ASPSCR1: variants seen among roughly 807,000 people sequenced by gnomAD.
ASPSCR1 encodes the protein ASPSCR1 tether for SLC2A4, UBX domain containing.
ASPSCR1 carries 55 observed loss-of-function variants against 68.9 expected under a neutral mutation model. The ratio of observed to expected loss-of-function variants is 0.80; its 90% CI spans 0.64 to 1.00. The LOEUF is 1.00. Among genes scored for constraint, ASPSCR1 ranks in the 50% least tolerant of loss-of-function variants. The pLI is 0.00. For missense variants in ASPSCR1, 765 were observed against 762.2 expected, an observed-to-expected ratio of 1.00 and a Z score of -0.04; for synonymous variants, 352 against 332.6, an observed-to-expected ratio of 1.06 and a Z score of -0.63.
intron 4 of ASPSCR1, among the ~76,000 whole-genome samples, chr17:81,992,539 C>A (rs1477747868): frequency 2.0e-5 from 3 of 152,196 alleles, no homozygotes; most frequent in Admixed American, 6.5e-5. Context: ...GCCCAGGCCT[C>A]CCCAGCCGTA....
In ASPSCR1 at chr17:81,983,682, T is replaced by G; in HGVS notation, c.273+14T>G. On this transcript the variant is annotated intron_variant, in intron 3 of 15. Coordinates refer to ENST00000306739, the MANE Select transcript of ASPSCR1 (RefSeq NM_024083.4). This position sits in a 1 kb window ranked among gnomAD's most constrained non-coding sequence, Gnocchi z 4.4. ...CCTGAGAACATGGTGGGTCGTGCTC[T>G]GGGGGAGGCTGACTGTGTGGGGCAC... 1.9e-6 allele frequency: 3 copies of G among 1,581,124 alleles called. No homozygotes were observed. The highest frequency in any genetic ancestry group is 2.6e-6 in the Non-Finnish European group (3 of 1,159,706).
chr17:81,982,681 G>A (rs547150484), intron 2 of ASPSCR1: 1 of 152,254 alleles, frequency 6.6e-6, no homozygotes, highest in South Asian at 2.1e-4. Context: ...TCCAAAGTGA[G>A]GCCAACCACT....
Position 81,990,598 on chromosome 17 carries a change from C to G in ASPSCR1, c.375-4223C>G, listed in dbSNP as rs956367867. Among the ~76,000 whole-genome samples the G allele has an allele frequency of 3.3e-5, 5 of 151,852 alleles. No homozygotes were observed. The highest frequency in any genetic ancestry group is 7.4e-5 in the Non-Finnish European group (5 of 68,006). On this transcript the variant is annotated intron_variant, in intron 4 of 15. Coordinates refer to ENST00000306739, the MANE Select transcript of ASPSCR1 (RefSeq NM_024083.4). The surrounding 1 kb of genome is among the most constrained non-coding windows in gnomAD (Gnocchi z 4.1). ...ACGCCGAGCTCTGGGGGACACTGCT[C>G]TCTGCCTGCCTGGTGGGCCTGTGTC...
At chr17:81,994,442 G>C (rs1206058707) in intron 4 of ASPSCR1, among the ~76,000 whole-genome samples, 1 of 152,214 alleles carries the variant, frequency 6.6e-6, no homozygotes. Flanking sequence ...TGACTCTCAG[G>C]CTCCTGAGTA....
At chr17:81,982,744 C>CTCTTTCTT (rs371864329) in intron 2 of ASPSCR1, 5 of 151,554 alleles carry the variant, frequency 3.3e-5, no homozygotes, top group Admixed American at 2.0e-4. Flanking sequence ...TTCTTGTTTT[C>CTCTTTCTT]TCTTTCTTTC....
chr17:81,995,507 T>A (rs1229804938), intron 5 of ASPSCR1: 2 of 268,292 alleles, frequency 7.5e-6, no homozygotes, highest in Non-Finnish European at 1.4e-5. Flanking sequence ...GGCCATTGAC[T>A]GTGCCCTCGC....
intron 4 of ASPSCR1, among the ~76,000 whole-genome samples, chr17:81,988,454 C>CAAA (rs1231233227): frequency 1.4e-5 from 1 of 71,014 alleles, no homozygotes; most frequent in African/African-American, 5.3e-5. Context: ...GACTCCGTCT[C>CAAA]AAAAAAAAAA....
At chr17:81,978,803 A>G in intron 1 of ASPSCR1, 1 of 284,720 alleles carries the variant, frequency 3.5e-6, no homozygotes, top group East Asian at 9.6e-5. Flanking sequence ...CAGTGGCAGC[A>G]GGTGCACAGA....
chr17:81,979,131 G>A (rs1248976118), intron 1 of ASPSCR1, 53 bp from the exon 2 acceptor site: 10 of 1,596,130 alleles, frequency 6.3e-6, no homozygotes, highest in Admixed American at 1.7e-5. Flanking sequence ...GGCCCACTGC[G>A]CCCGCCAGCC....
intron 4 of ASPSCR1, among the ~76,000 whole-genome samples, chr17:81,994,532 C>T (rs1368547904): frequency 6.6e-6 from 1 of 152,182 alleles, no homozygotes; most frequent in African/African-American, 2.4e-5. Flanking sequence ...GGCAGCTCCA[C>T]GTCCTGCCAG....
chr17:82,010,542 A>C (rs1023706613), intron 9 of ASPSCR1, among the ~76,000 whole-genome samples: 223 of 150,856 alleles, frequency 1.5e-3, no homozygotes, highest in African/African-American at 5.2e-3. Context: ...AAAAAAAAAA[A>C]AAAAAAAAAA....
At position 81,982,907 on chromosome 17, in the gene ASPSCR1, G is replaced by A. The variant is rs999177055; in HGVS notation, c.159-647G>A. Among the ~76,000 whole-genome samples the A allele has an allele frequency of 9.9e-5, 15 of 152,144 alleles. No homozygotes were observed. The South Asian group carries it at 1.7e-3, about 17-fold the overall frequency. ...TGCCTCACTGCAGCCTCTGCCTCCC[G>A]GGTTCAAGCGATTCTCCTGCCTCAG... On this transcript the variant is annotated intron_variant, in intron 2 of 15. Transcript: ENST00000306739.
rs1431851879 is a variant in ASPSCR1, at chr17:82,011,612, T to A, written c.1300+7T>A. The A allele has an allele frequency of 6.2e-7, 1 of 1,601,790 alleles. No homozygotes were observed. The highest frequency in any genetic ancestry group is 2.3e-5 in the East Asian group (1 of 43,332). On this transcript the variant is annotated splice_region_variant and intron_variant, in intron 11 of 15. Coordinates refer to ENST00000306739, the MANE Select transcript of ASPSCR1 (RefSeq NM_024083.4). ...GAGCTGTCATTTTACCTGTGTACGTTTTTTCTCCTGAGCCCACTCCTGCCT... is the reference window on the plus strand; with the variant it reads ...GAGCTGTCATTTTACCTGTGTACGTATTTTCTCCTGAGCCCACTCCTGCCT...
chr17:82,004,614 T>G (rs1398845841), intron 7 of ASPSCR1: 1 of 152,424 alleles, frequency 6.6e-6, no homozygotes, highest in Admixed American at 6.5e-5. Context: ...GTGTGTCATG[T>G]GGCAGCCACA....
intron 7 of ASPSCR1, among the ~76,000 whole-genome samples, chr17:82,000,004 C>T (rs2042475867): frequency 2.0e-5 from 3 of 152,198 alleles, no homozygotes; most frequent in African/African-American, 7.2e-5. Flanking sequence ...ATGGTGTTGG[C>T]ACCCCATCCT....
chr17:81,985,231 C>G (rs570378685), intron 3 of ASPSCR1, among the ~76,000 whole-genome samples: 1 of 151,986 alleles, frequency 6.6e-6, no homozygotes, highest in African/African-American at 2.4e-5. Flanking sequence ...CACACCCCCG[C>G]ACACACCCAC....
In ASPSCR1 at chr17:82,012,149, T is replaced by C. The variant is rs1278700578; in HGVS notation, c.1301-82T>C. The C allele has an allele frequency of 3.4e-6, 5 of 1,488,064 alleles. No homozygotes were observed. The South Asian group carries it at 5.7e-5, about 17-fold the overall frequency. 92.2% of individuals were successfully genotyped at this position (1,488,064 alleles called of 1,614,324 possible). On this transcript the variant is annotated intron_variant, in intron 11 of 15. Coordinates refer to ENST00000306739, the MANE Select transcript of ASPSCR1 (RefSeq NM_024083.4). ...TGCCCCACTTGAGGCGTCACCCCCATCTGCAGGCCTGTCTTCCTTCGGGCG... is the reference window on the plus strand; with the variant it reads ...TGCCCCACTTGAGGCGTCACCCCCACCTGCAGGCCTGTCTTCCTTCGGGCG...
rs762947337 is a variant in ASPSCR1 at position 82,016,919 on chromosome 17, CTG to C, written c.1476-18_1476-17del. 2.8e-5 allele frequency: 45 copies of C among 1,611,622 alleles called. No individual in the cohort carries two copies. Among genetic ancestry groups the C allele is most frequent in the Middle Eastern group, 3.3e-4 (2 of 6,042 alleles). On this transcript the variant is annotated intron_variant, in intron 14 of 15. Transcript: ENST00000306739. ...ACCTCCCGTGGCGGCACTCACCACTCTGTGTCTTCGCCTCCCCACAGGTACAT... is the reference window on the plus strand; with the variant it reads ...ACCTCCCGTGGCGGCACTCACCACTCTGTCTTCGCCTCCCCACAGGTACAT...
chr17:81,997,105 C>CGCTCCGGGGTGAGGCCGTGTGG (rs2042373129), intron 7 of ASPSCR1, among the ~76,000 whole-genome samples: 1 of 144,178 alleles, frequency 6.9e-6, no homozygotes, highest in Non-Finnish European at 1.5e-5. Flanking sequence ...AGGCCGTGTC[C>CGCTCCGGGGTGAGGCCGTGTGG]GCTCCGGGAT....
Sources: allele counts gnomAD v4.1 joint callset (sites outside exome capture counted in the v4.1 genomes callset), GRCh38; gene constraint gnomAD v4.1.1; non-coding constraint Gnocchi (gnomAD v3.1); transcripts MANE v1.5; gene names NCBI Gene and HGNC (gene_info 2026-07-23, HGNC 2026-07-21).